The following ELOF1 variants were observed in gnomAD, a reference collection of about 807,000 sequenced individuals.
ELOF1 encodes transcription elongation factor 1 homolog.
A neutral mutation model predicts 7.1 loss-of-function variants in ELOF1; 4 were observed. The observed-to-expected ratio is 0.56, with a 90% confidence interval of 0.28 to 1.29. ELOF1 has a LOEUF of 1.29. ELOF1 is among the 50% of genes most tolerant of loss of function. ELOF1 has a pLI of 0.10. For missense variants in ELOF1, 59 were observed against 86.3 expected, an observed-to-expected ratio of 0.68 and a Z score of 1.25; for synonymous variants, 31 against 31.9, an observed-to-expected ratio of 0.97 and a Z score of 0.09.
At chr19:11,554,278 A>G (rs1568421265) in exon 2 of ELOF1, 3 of 1,613,426 alleles carry the variant, frequency 1.9e-6, no homozygotes, top group Non-Finnish European at 2.5e-6. Flanking sequence ...GGGCAGGTGA[A>G]CTGGGTCTCG....
chr19:11,553,351 A>C, intron 3 of ELOF1: 1 of 449,938 alleles, frequency 2.2e-6, no homozygotes, highest in Non-Finnish European at 3.9e-6. Context: ...GATGTCAGGA[A>C]ACAGTCCCCC....
exon 2 of ELOF1, chr19:11,554,306 C>T: frequency 6.2e-7 from 1 of 1,613,956 alleles, no homozygotes; most frequent in Non-Finnish European, 8.5e-7. Context: ...CTGTCATCTT[C>T]TTCTTGGGAG....
At chr19:11,553,219 CCCCGG>C in intron 3 of ELOF1, 1 of 399,370 alleles carries the variant, frequency 2.5e-6, no homozygotes, top group Non-Finnish European at 4.4e-6. Context: ...GGCTTTGAAT[CCCCGG>C]CCACGGGCAC....
chr19:11,556,449 A>G (rs1972835651), intron 1 of ELOF1, among the ~76,000 whole-genome samples: 1 of 151,864 alleles, frequency 6.6e-6, no homozygotes, highest in Non-Finnish European at 1.5e-5. Context: ...ACAGGCATGC[A>G]CTACCACGCG....
At chr19:11,553,367 C>G (rs370295417) in intron 3 of ELOF1, 1 of 455,020 alleles carries the variant, frequency 2.2e-6, no homozygotes, top group Non-Finnish European at 3.9e-6. Context: ...CCCCCAATTC[C>G]GCCGGGGGGA....
At chr19:11,556,478 T>C (rs1043712096) in intron 1 of ELOF1, among the ~76,000 whole-genome samples, 3 of 152,024 alleles carry the variant, frequency 2.0e-5, no homozygotes, top group African/African-American at 7.3e-5. Context: ...TTTTTGTATT[T>C]TTAGTAGAGA....
At chr19:11,556,368 C>T (rs1972834323) in intron 1 of ELOF1, among the ~76,000 whole-genome samples, 1 of 151,092 alleles carries the variant, frequency 6.6e-6, no homozygotes, top group Non-Finnish European at 1.5e-5. Context: ...GGCATGATCT[C>T]GACCCACTGC....
At chr19:11,555,181 C>A in intron 1 of ELOF1, 1 of 252,934 alleles carries the variant, frequency 4.0e-6, no homozygotes, top group Non-Finnish European at 8.3e-6. Flanking sequence ...CACCTGAACC[C>A]AAGAGGCGGA....
At chr19:11,553,208 C>T (rs369309792) in intron 3 of ELOF1, 14 of 400,090 alleles carry the variant, frequency 3.5e-5, no homozygotes, top group South Asian at 1.4e-4. Flanking sequence ...TGGGGAACGG[C>T]GGCTTTGAAT....
intron 3 of ELOF1, chr19:11,553,310 T>C: frequency 2.3e-6 from 1 of 429,794 alleles, no homozygotes; most frequent in Non-Finnish European, 4.1e-6. Flanking sequence ...AGAGGTCCTG[T>C]TCCAGCCTCT....
chr19:11,553,534 CCACACACACCCACACTCACTCA>C (rs1180741987), intron 3 of ELOF1: 15 of 634,926 alleles, frequency 2.4e-5, no homozygotes, highest in East Asian at 1.7e-4. Context: ...ACACGTGCAG[CCACACACACCCACACTCACTCA>C]CACCCACACC....
At chr19:11,553,389 A>G in intron 3 of ELOF1, 1 of 459,626 alleles carries the variant, frequency 2.2e-6, no homozygotes, top group Non-Finnish European at 3.9e-6. Context: ...CCAGAGCCCC[A>G]AGGCTGGGGG....
intron 3 of ELOF1, 25 bp from the exon 4 acceptor site, chr19:11,553,835 T>A (rs553573701): frequency 6.2e-7 from 1 of 1,614,126 alleles, no homozygotes; most frequent in Non-Finnish European, 8.5e-7. Context: ...TCAAGGGCGA[T>A]CATTGGCATT....
chr19:11,553,314 A>T (rs1488371119), intron 3 of ELOF1: 1 of 434,596 alleles, frequency 2.3e-6, no homozygotes, highest in Non-Finnish European at 4.1e-6. Context: ...GTCCTGTTCC[A>T]GCCTCTAGTG....
At chr19:11,554,342 C>T (rs1352057299) in exon 2 of ELOF1, 2 of 1,613,888 alleles carry the variant, frequency 1.2e-6, no homozygotes, top group Non-Finnish European at 8.5e-7. Context: ...ACTTTCTGCG[C>T]CCCATGTCTG....
chr19:11,553,588 C>CCCACT, intron 3 of ELOF1: 2 of 35,774 alleles, frequency 5.6e-5, no homozygotes, highest in Non-Finnish European at 1.3e-4. Flanking sequence ...CCACTACACA[C>CCCACT]ACACACACAC....
intron 1 of ELOF1, among the ~76,000 whole-genome samples, chr19:11,557,407 C>T (rs1352608518): frequency 6.6e-6 from 1 of 151,594 alleles, no homozygotes; most frequent in Non-Finnish European, 1.5e-5. Flanking sequence ...ACCAGCCTGG[C>T]CAACATGGTG....
At chr19:11,553,914 T>C in intron 3 of ELOF1, 97 bp downstream of exon 3, 1 of 1,609,940 alleles carries the variant, frequency 6.2e-7, no homozygotes, top group Non-Finnish European at 8.5e-7. Context: ...TGGACGGCTT[T>C]GGCCCTGCAC....
At position 11,553,582 on chromosome 19, in the gene ELOF1, T is replaced by TACACACACACACAC. The variant is rs57015096; in HGVS notation, c.187+415_187+428dup. 237 of 606,086 alleles carry TACACACACACACAC rather than the reference T, an allele frequency of 3.9e-4. 1 individual carries two copies. In the East Asian group the frequency reaches 4.0e-3, roughly 10 times the overall value. 37.5% of individuals were successfully genotyped at this position (606,086 alleles called of 1,614,324 possible). A position where few individuals can be genotyped will look rare whatever the true frequency, so the allele number is the denominator to read the frequency against. On this transcript the variant is annotated intron_variant, in intron 3 of 3. Transcript: ENST00000586683. ...CACCCACACCCACACGCACACCCAC[T>TACACACACACACAC]ACACACACACACACACACACACACA...
Sources: gnomAD v4.1 joint callset for allele counts (sites outside exome capture counted in the v4.1 genomes callset) on GRCh38, gnomAD v4.1.1 for gene constraint, MANE v1.5 for transcripts, NCBI Gene and HGNC (gene_info 2026-07-23, HGNC 2026-07-21) for gene names.